The following HIVEP2 variants were observed in gnomAD, a reference collection of about 807,000 sequenced individuals.
HIVEP2 encodes transcription factor HIVEP2.
HIVEP2 carries 14 observed loss-of-function variants against 180.7 expected under a neutral mutation model. That is an observed-to-expected ratio of 0.08 (90% confidence interval 0.05 to 0.12). The LOEUF is 0.12. HIVEP2 is among the 10% of genes least tolerant of loss of function. The pLI, the probability that HIVEP2 is intolerant of heterozygous loss-of-function variation, is 1.00. For synonymous variants in HIVEP2, 1,184 were observed against 1,136.4 expected, an observed-to-expected ratio of 1.04 and a Z score of -0.84; for missense variants, 2,579 against 3,008.5, an observed-to-expected ratio of 0.86 and a Z score of 3.34.
chr6:142,761,707 C>A, intron 7 of HIVEP2, 142 bp from the exon 8 acceptor site: 2 of 647,020 alleles, frequency 3.1e-6, no homozygotes, highest in East Asian at 2.7e-5. Context: ...CCCACTACCC[C>A]TTGTTTCAAC....
intron 1 of HIVEP2, among the ~76,000 whole-genome samples, chr6:142,916,143 A>T (rs1226864665): frequency 6.6e-6 from 1 of 151,908 alleles, no homozygotes; most frequent in Non-Finnish European, 1.5e-5. Context: ...TCTTTAATTC[A>T]CTGTAGTGGA....
intron 2 of HIVEP2, among the ~76,000 whole-genome samples, chr6:142,827,723 G>A (rs146374092): frequency 1.6e-4 from 24 of 152,292 alleles, no homozygotes; most frequent in African/African-American, 5.5e-4. Flanking sequence ...AGGAAAGCTG[G>A]TAGTAAGTGT....
At chr6:142,792,127 C>CT (rs56058888) in intron 2 of HIVEP2, among the ~76,000 whole-genome samples, 8,154 of 152,186 alleles carry the variant, frequency 0.054, 320 homozygotes, top group Non-Finnish European at 0.075. Context: ...AGGTAAAGAA[C>CT]TTTAGTTGGC....
chr6:142,817,451 A>G (rs1406311185), intron 2 of HIVEP2, among the ~76,000 whole-genome samples: 2 of 152,224 alleles, frequency 1.3e-5, no homozygotes, highest in Non-Finnish European at 2.9e-5. Context: ...TTTCATTTCA[A>G]ATAAGCATTG....
At chr6:142,803,765 A>C (rs1420559636) in intron 2 of HIVEP2, among the ~76,000 whole-genome samples, 2 of 152,072 alleles carry the variant, frequency 1.3e-5, no homozygotes, top group East Asian at 3.9e-4. Flanking sequence ...CTTTCCTATA[A>C]TCAAGGGCCA....
rs377195903 is a variant in HIVEP2 at position 142,803,199 on chromosome 6, C to A, written c.-527-19584G>T. 2.0e-4 allele frequency among the ~76,000 whole-genome samples: 30 copies of A among 152,236 alleles called. 1 individual carries two copies. In the East Asian group the frequency reaches 3.1e-3, roughly 16 times the overall value. On this transcript the variant is annotated intron_variant, in intron 2 of 9. Coordinates refer to ENST00000367603, the MANE Select transcript of HIVEP2 (RefSeq NM_006734.4). ...TTTGGTAACTAAGTGCATATGCCAG[C>A]ATTTCATCATAACCTAGAAGTTTCA...
At chr6:142,776,540 G>GT (rs34160387) in intron 3 of HIVEP2, among the ~76,000 whole-genome samples, 87,299 of 151,000 alleles carry the variant, frequency 0.58, 25,423 homozygotes, top group Non-Finnish European at 0.6. Flanking sequence ...TTTTTGTTTT[G>GT]TTTTTTTTGA....
In HIVEP2 at chr6:142,770,188, C is replaced by T. The variant is rs886762722; in HGVS notation, c.4551G>A (p.Ser1517=). 2.4e-5 allele frequency: 39 copies of T among 1,614,060 alleles called. No individual in the cohort carries two copies. Among genetic ancestry groups the T allele is most frequent in the African/African-American group, 4.0e-5 (3 of 74,916 alleles). The change falls in exon 5 of 10, where the codon TCG becomes TCA. Residue 1517 remains serine (S), a synonymous_variant. Coordinates refer to ENST00000367603, the MANE Select transcript of HIVEP2 (RefSeq NM_006734.4). This position sits in a 1 kb window ranked among gnomAD's most constrained non-coding sequence, Gnocchi z 4.7. ...AGTCTTGAGATGAGGAGGGCGACAGCGAGGAGAAGGAAGATGACCCTGACT... is the reference window on the plus strand; with the variant it reads ...AGTCTTGAGATGAGGAGGGCGACAGTGAGGAGAAGGAAGATGACCCTGACT... ...GLQSGSSSFS[S]LSPSSSQDYP... is the part of the protein sequence containing the mutation.
intron 1 of HIVEP2, among the ~76,000 whole-genome samples, chr6:142,905,562 T>C (rs138369227): frequency 0.014 from 2,141 of 152,344 alleles, 22 homozygotes; most frequent in Middle Eastern, 0.037. Context: ...TTAATAAATA[T>C]AAGTATTTTT....
chr6:142,805,813 T>G (rs1213364725), intron 2 of HIVEP2, among the ~76,000 whole-genome samples: 1 of 152,146 alleles, frequency 6.6e-6, no homozygotes, highest in African/African-American at 2.4e-5. Context: ...AACACCAATA[T>G]GTAGGGTGCT....
At chr6:142,848,747 T>C (rs1053422897) in intron 1 of HIVEP2, among the ~76,000 whole-genome samples, 3 of 150,946 alleles carry the variant, frequency 2.0e-5, no homozygotes, top group East Asian at 3.9e-4. Flanking sequence ...CTGAAACAAA[T>C]AGTTGGGCTC....
intron 2 of HIVEP2, among the ~76,000 whole-genome samples, chr6:142,823,043 A>G (rs1441676652): frequency 6.6e-6 from 1 of 152,198 alleles, no homozygotes; most frequent in Non-Finnish European, 1.5e-5. Context: ...ACAAGAGCCC[A>G]CAGGCAGTCT....
chr6:142,879,876 A>G (rs913455670), intron 1 of HIVEP2, among the ~76,000 whole-genome samples: 3 of 152,128 alleles, frequency 2.0e-5, no homozygotes, highest in Admixed American at 6.6e-5. Flanking sequence ...AAGTCACTCA[A>G]TAGTGCCACA....
At chr6:142,942,833 A>G (rs1026326369) in intron 1 of HIVEP2, among the ~76,000 whole-genome samples, 3 of 152,190 alleles carry the variant, frequency 2.0e-5, no homozygotes, top group Non-Finnish European at 4.4e-5. Flanking sequence ...GCCACATAAA[A>G]TACAGTCACT....
At chr6:142,889,044 T>C (rs1323537609) in intron 1 of HIVEP2, among the ~76,000 whole-genome samples, 2 of 152,220 alleles carry the variant, frequency 1.3e-5, no homozygotes, top group African/African-American at 4.8e-5. Context: ...GTTCGAACTT[T>C]CTATTTGATT....
rs180737430 is a variant in HIVEP2 at position 142,775,619 on chromosome 6, G to A, written c.-387-494C>T. ...GGGGAGGCTGAGGCAGGTGGATCACGAGGTCAAGAGACTGAAACCATCCTG... is the reference window on the plus strand; with the variant it reads ...GGGGAGGCTGAGGCAGGTGGATCACAAGGTCAAGAGACTGAAACCATCCTG... On this transcript the variant is annotated intron_variant, in intron 4 of 9. Coordinates refer to ENST00000367603, the MANE Select transcript of HIVEP2 (RefSeq NM_006734.4). 5.8e-4 allele frequency among the ~76,000 whole-genome samples: 89 copies of A among 152,146 alleles called. No individual in the cohort carries two copies. The East Asian group carries it at 0.015, about 25-fold the overall frequency.
intron 1 of HIVEP2, among the ~76,000 whole-genome samples, chr6:142,900,895 C>A (rs927841906): frequency 3.9e-5 from 6 of 152,186 alleles, no homozygotes; most frequent in African/African-American, 1.4e-4. Flanking sequence ...TGTATACACA[C>A]CCTCTGACAG....
rs548194719 is a variant in HIVEP2, at chr6:142,829,549, T to C, written c.-528+7386A>G. 1.8e-4 allele frequency among the ~76,000 whole-genome samples: 28 copies of C among 152,342 alleles called. No homozygotes were observed. The South Asian group carries it at 5.0e-3, about 27-fold the overall frequency. On this transcript the variant is annotated intron_variant, in intron 2 of 9. Transcript: ENST00000367603. ...AGTTTTCTTATATCCAAGTCAGGTATGTACTAGTCCGATTTCTATTTTAGG... is the reference window on the plus strand; with the variant it reads ...AGTTTTCTTATATCCAAGTCAGGTACGTACTAGTCCGATTTCTATTTTAGG...
chr6:142,798,898 G>T lies in HIVEP2; in HGVS notation c.-527-15283C>A, dbSNP rs79456050. 5.3e-3 allele frequency among the ~76,000 whole-genome samples: 813 copies of T among 152,268 alleles called. 2 individuals carry two copies. Among genetic ancestry groups the T allele is most frequent in the African/African-American group, 0.018 (767 of 41,574 alleles). ...TCATTCAGGACAATACCTAGCACTT[G>T]TAAAATGTCATAAAATATTGGCATT... On this transcript the variant is annotated intron_variant, in intron 2 of 9. Transcript: ENST00000367603.
Sources: gnomAD v4.1 joint callset for allele counts (sites outside exome capture counted in the v4.1 genomes callset) on GRCh38, gnomAD v4.1.1 for gene constraint, Gnocchi (gnomAD v3.1) non-coding constraint, MANE v1.5 for transcripts, NCBI Gene and HGNC (gene_info 2026-07-23, HGNC 2026-07-21) for gene names.